Variants in COL23A1 observed in about 807,000 individuals in gnomAD.
COL23A1 encodes the protein collagen type XXIII alpha 1 chain, also known as collagen alpha-1(XXIII) chain.
COL23A1 carries 97 observed loss-of-function variants against 99.3 expected under a neutral mutation model. The ratio of observed to expected loss-of-function variants is 0.98; its 90% CI spans 0.83 to 1.16. The LOEUF (loss-of-function observed/expected upper bound fraction) is 1.16. Ranked by LOEUF, COL23A1 falls within the 50% of genes most tolerant of loss-of-function variation. The pLI is 0.00. For missense variants in COL23A1, 762 were observed against 757.4 expected, an observed-to-expected ratio of 1.01 and a Z score of -0.07; for synonymous variants, 320 against 308.2, an observed-to-expected ratio of 1.04 and a Z score of -0.40.
intron 1 of COL23A1, among the ~76,000 whole-genome samples, chr5:178,568,788 A>C (rs904783235): frequency 6.6e-6 from 1 of 152,226 alleles, no homozygotes; most frequent in Non-Finnish European, 1.5e-5. Context: ...TGACTGAATA[A>C]TATTGCATGG....
Position 178,252,537 on chromosome 5 carries a change from C to A in COL23A1, c.1014+7G>T. On this transcript the variant is annotated splice_region_variant and intron_variant, in intron 17 of 28. Transcript: ENST00000390654. ...TTGGGGGACCACATAGCTGCATCTG[C>A]ACTGACCTTGGCTCCAGGGATCCCT... 6.2e-7 allele frequency: 1 copy of A among 1,611,038 alleles called. No individual in the cohort carries two copies.
At chr5:178,421,886 A>G (rs4618442) in intron 2 of COL23A1, among the ~76,000 whole-genome samples, 96,622 of 152,086 alleles carry the variant, frequency 0.64, 33,049 homozygotes, top group African/African-American at 0.91. Flanking sequence ...ACACACGCAT[A>G]CACGCAGGCA....
chr5:178,540,068 T>C (rs541250103), intron 2 of COL23A1, among the ~76,000 whole-genome samples: 1 of 152,344 alleles, frequency 6.6e-6, no homozygotes, highest in South Asian at 2.1e-4. Context: ...CACCTAATCA[T>C]CACTTTTTAC....
chr5:178,572,988 C>G (rs983820779), intron 1 of COL23A1, among the ~76,000 whole-genome samples: 3 of 152,038 alleles, frequency 2.0e-5, no homozygotes, highest in Non-Finnish European at 4.4e-5. Context: ...GAGAAAAATC[C>G]TGGAAAATGA....
chr5:178,544,897 C>T lies in COL23A1; in HGVS notation c.361+15785G>A, dbSNP rs947601661. Among the ~76,000 whole-genome samples, 14 of 152,012 alleles carry T rather than the reference C, an allele frequency of 9.2e-5. No individual in the cohort carries two copies. Among genetic ancestry groups the T allele is most frequent in the African/African-American group, 2.2e-4 (9 of 41,384 alleles). On this transcript the variant is annotated intron_variant, in intron 2 of 28. Coordinates refer to ENST00000390654, the MANE Select transcript of COL23A1 (RefSeq NM_173465.4). This position sits in a 1 kb window ranked among gnomAD's most constrained non-coding sequence, Gnocchi z 4.4. ...CCAGGCTGAGCAACACAGCAAACCC[C>T]GTCTCTAGAACAACAACAACAAAAA...
intron 11 of COL23A1, among the ~76,000 whole-genome samples, chr5:178,261,288 C>T (rs1376222900): frequency 6.6e-6 from 1 of 152,074 alleles, no homozygotes; most frequent in African/African-American, 2.4e-5. Context: ...GTGGCACACA[C>T]CTGTTGTCCC....
intron 1 of COL23A1, among the ~76,000 whole-genome samples, chr5:178,564,749 G>C (rs112720437): frequency 6.6e-6 from 1 of 152,122 alleles, no homozygotes; most frequent in East Asian, 1.9e-4. Flanking sequence ...GTTTATTAAC[G>C]ATCTGTCGGG....
chr5:178,552,055 T>C (rs552564632), intron 2 of COL23A1, among the ~76,000 whole-genome samples: 1 of 152,194 alleles, frequency 6.6e-6, no homozygotes, highest in East Asian at 1.9e-4. Flanking sequence ...TTCAAAACCT[T>C]GCCCAATTAT....
At chr5:178,254,284 G>A (rs1017038108) in intron 16 of COL23A1, among the ~76,000 whole-genome samples, 3 of 144,492 alleles carry the variant, frequency 2.1e-5, no homozygotes, top group Admixed American at 1.4e-4. Context: ...GCCACACCAC[G>A]CCACGCCACG....
At chr5:178,390,653 T>C (rs1763916067) in intron 2 of COL23A1, among the ~76,000 whole-genome samples, 1 of 152,358 alleles carries the variant, frequency 6.6e-6, no homozygotes, top group African/African-American at 2.4e-5. Context: ...TTGTCTGTTC[T>C]AACAAGGGTG....
At chr5:178,299,114 CT>C (rs1561838653) in intron 3 of COL23A1, among the ~76,000 whole-genome samples, 1 of 152,120 alleles carries the variant, frequency 6.6e-6, no homozygotes, top group Non-Finnish European at 1.5e-5. Context: ...TCTATAGTTT[CT>C]TTTTTTGTGA....
chr5:178,559,405 C>T (rs894075175), intron 2 of COL23A1, among the ~76,000 whole-genome samples: 3 of 152,158 alleles, frequency 2.0e-5, no homozygotes, highest in Non-Finnish European at 2.9e-5. Flanking sequence ...TCACCTTTCC[C>T]TGCATGTCGA....
chr5:178,275,653 G>A lies in COL23A1; in HGVS notation c.442-5290C>T, dbSNP rs368658774. 2.6e-5 allele frequency among the ~76,000 whole-genome samples: 4 copies of A among 152,228 alleles called. No individual in the cohort carries two copies. The East Asian group carries it at 5.8e-4, about 22-fold the overall frequency. On this transcript the variant is annotated intron_variant, in intron 5 of 28. Transcript: ENST00000390654. ...AGAATCGCGCAGGTTCTCTTACAGG[G>A]TCATGGTTCCCCTTAACTGCTCCGT...
At chr5:178,526,421 G>A (rs529011697) in intron 2 of COL23A1, among the ~76,000 whole-genome samples, 1 of 152,186 alleles carries the variant, frequency 6.6e-6, no homozygotes, top group Non-Finnish European at 1.5e-5. Flanking sequence ...CATGCTGAGC[G>A]AGAAGGACAT....
Position 178,510,669 on chromosome 5 carries a change from A to G in COL23A1, c.361+50013T>C, listed in dbSNP as rs568152881. 8.4e-4 allele frequency among the ~76,000 whole-genome samples: 110 copies of G among 131,214 alleles called. 1 individual carries two copies. Among genetic ancestry groups the G allele is most frequent in the South Asian group, 4.0e-3 (15 of 3,784 alleles). The allele number at this position is 131,214 out of a possible 152,430, so 86.1% of individuals were successfully genotyped here. ...GTACCCTAAAACTTAAAGTACAATA[A>G]TAATAAAATAAAAAATAAAAATAAA... On this transcript the variant is annotated intron_variant, in intron 2 of 28. Transcript: ENST00000390654.
At chr5:178,523,181 C>CATATATATATATAT (rs375162340) in intron 2 of COL23A1, among the ~76,000 whole-genome samples, 5 of 90,446 alleles carry the variant, frequency 5.5e-5, no homozygotes, top group Non-Finnish European at 1.1e-4. Context: ...TATATATACA[C>CATATATATATATAT]ATATATATAT....
intron 2 of COL23A1, among the ~76,000 whole-genome samples, chr5:178,402,691 G>T (rs902736928): frequency 6.6e-6 from 1 of 151,672 alleles, no homozygotes; most frequent in African/African-American, 2.4e-5. Flanking sequence ...GTTCAAATAC[G>T]GCCTGGGACA....
At chr5:178,493,747 A>G (rs11249548) in intron 2 of COL23A1, among the ~76,000 whole-genome samples, 99,391 of 152,180 alleles carry the variant, frequency 0.65, 33,675 homozygotes, top group Non-Finnish European at 0.75. Flanking sequence ...TGCACGCAAA[A>G]GATTACAGGC....
chr5:178,465,758 G>A (rs558940628), intron 2 of COL23A1, among the ~76,000 whole-genome samples: 1 of 152,220 alleles, frequency 6.6e-6, no homozygotes, highest in South Asian at 2.1e-4. Flanking sequence ...CAGAGTGATC[G>A]TGCTACACAC....
Sources: gnomAD v4.1 joint callset for allele counts (sites outside exome capture counted in the v4.1 genomes callset) on GRCh38, gnomAD v4.1.1 for gene constraint, Gnocchi (gnomAD v3.1) non-coding constraint, MANE v1.5 for transcripts, NCBI Gene and HGNC (gene_info 2026-07-23, HGNC 2026-07-21) for gene names.